The following HIVEP2 variants were observed in gnomAD, a reference collection of about 807,000 sequenced individuals.
HIVEP2 encodes HIVEP zinc finger 2.
HIVEP2 carries 14 observed loss-of-function variants against 180.7 expected under a neutral mutation model. That is an observed-to-expected ratio of 0.08 (90% CI 0.05 to 0.12). The LOEUF is 0.12. Among genes scored for constraint, HIVEP2 ranks in the 10% least tolerant of loss-of-function variants. HIVEP2 has a pLI of 1.00. For missense variants in HIVEP2, 2,579 were observed against 3,008.5 expected, an observed-to-expected ratio of 0.86 and a Z score of 3.34; for synonymous variants, 1,184 against 1,136.4, an observed-to-expected ratio of 1.04 and a Z score of -0.84.
chr6:142,794,771 T>C (rs943136125), intron 2 of HIVEP2, among the ~76,000 whole-genome samples: 1 of 152,194 alleles, frequency 6.6e-6, no homozygotes, highest in Non-Finnish European at 1.5e-5. Context: ...AGGTTTTGTC[T>C]CTGTTGAACA....
chr6:142,804,548 A>G (rs191691873), intron 2 of HIVEP2, among the ~76,000 whole-genome samples: 144 of 152,300 alleles, frequency 9.5e-4, no homozygotes, highest in South Asian at 7.9e-3. Flanking sequence ...CAAATTGAAA[A>G]AAAAATACAC....
chr6:142,912,039 G>A (rs1325747611), intron 1 of HIVEP2, among the ~76,000 whole-genome samples: 2 of 152,212 alleles, frequency 1.3e-5, no homozygotes, highest in Admixed American at 1.3e-4. Context: ...TCTCCATACT[G>A]GGTTAGTGAC....
Position 142,774,590 on chromosome 6 carries a change from A to G in HIVEP2, c.149T>C (p.Ile50Thr), listed in dbSNP as rs1457519574. The change falls in exon 5 of 10, where the codon ATA becomes ACA. Residue 50 changes from isoleucine to threonine, a missense_variant. This residue lies in a region of HIVEP2 where 207 missense variants were observed against 210.1 expected (regional missense o/e 0.99). Coordinates refer to ENST00000367603, the MANE Select transcript of HIVEP2 (RefSeq NM_006734.4). This position sits in a 1 kb window ranked among gnomAD's most constrained non-coding sequence, Gnocchi z 5.1. ...TGTGTTTCCGATTTGCTCAGGCTCTATTTGTGGTTGCCGCTGTCCTTCATG... is the reference window on the plus strand; with the variant it reads ...TGTGTTTCCGATTTGCTCAGGCTCTGTTTGTGGTTGCCGCTGTCCTTCATG... ...GSHEGQRQPQ[I>T]EPEQIGNTAS... 1.9e-6 allele frequency: 3 copies of G among 1,614,170 alleles called. No individual in the cohort carries two copies. Among genetic ancestry groups the G allele is most frequent in the Non-Finnish European group, 2.5e-6 (3 of 1,180,038 alleles).
At chr6:142,823,732 G>A (rs969191628) in intron 2 of HIVEP2, among the ~76,000 whole-genome samples, 1 of 152,112 alleles carries the variant, frequency 6.6e-6, no homozygotes, top group African/African-American at 2.4e-5. Flanking sequence ...TCTTAAATTT[G>A]TAAAGATGTA....
intron 3 of HIVEP2, among the ~76,000 whole-genome samples, chr6:142,782,559 A>C (rs772495682): frequency 6.6e-6 from 1 of 152,218 alleles, no homozygotes; most frequent in Non-Finnish European, 1.5e-5. Flanking sequence ...GGCTTCTTTT[A>C]GTAAAAATTC....
chr6:142,764,902 C>T lies in HIVEP2; in HGVS notation c.5415G>A (p.Gly1805=), dbSNP rs761759600. ...GCATGCTTGGCTTCTTACAGCGAAT[C>T]CCACATTCTTCACAAATGTACTTTC... ...GRGKYICEEC[G]IRCKKPSMLK... Residue 1805 remains glycine (G), a synonymous_variant, in exon 7 of 10, where the codon GGG becomes GGA. Transcript: ENST00000367603. 2 of 1,613,890 alleles carry T rather than the reference C, an allele frequency of 1.2e-6. No homozygotes were observed. Among genetic ancestry groups the T allele is most frequent in the South Asian group, 1.1e-5 (1 of 91,054 alleles).
intron 1 of HIVEP2, among the ~76,000 whole-genome samples, chr6:142,929,167 TG>T (rs1777885287): frequency 6.6e-6 from 1 of 152,196 alleles, no homozygotes. Flanking sequence ...CATCTGCCAA[TG>T]GTATACAATT....
intron 2 of HIVEP2, among the ~76,000 whole-genome samples, chr6:142,816,582 G>A (rs1379596796): frequency 2.6e-5 from 4 of 152,068 alleles, no homozygotes; most frequent in African/African-American, 4.8e-5. Flanking sequence ...CATCCCCTGC[G>A]TCTGGCATTT....
In HIVEP2 at chr6:142,771,335, G is replaced by A; in HGVS notation, c.3404C>T (p.Pro1135Leu). 6.2e-7 allele frequency: 1 copy of A among 1,613,080 alleles called. No individual in the cohort carries two copies. The highest frequency in any genetic ancestry group is 8.5e-7 in the Non-Finnish European group (1 of 1,180,002). The stretch of plus-strand genomic sequence containing the variant: ...ACAAGGACCCGCCACCTGCTTCCCT[G>A]GGTCCTCTTGCTGAAGAGGAGGCAG... ...AVLPPLQQED[P>L]GKQVAGPCPP... Residue 1135 changes from proline to leucine, a missense_variant, in exon 5 of 10, where the codon CCA becomes CTA. Physicochemically the swap from Pro to Leu is moderately conservative, Grantham distance 98. Around this residue, in one of 11 missense-constraint regions of HIVEP2, gnomAD observed 523 missense variants for 577.0 expected, o/e 0.91. Coordinates refer to ENST00000367603, the MANE Select transcript of HIVEP2 (RefSeq NM_006734.4). This position sits in a 1 kb window ranked among gnomAD's most constrained non-coding sequence, Gnocchi z 5.4.
chr6:142,864,500 T>A (rs1288408557), intron 1 of HIVEP2, among the ~76,000 whole-genome samples: 1 of 152,130 alleles, frequency 6.6e-6, no homozygotes, highest in African/African-American at 2.4e-5. Flanking sequence ...TAGCGAAAAA[T>A]AATAAATATT....
intron 2 of HIVEP2, among the ~76,000 whole-genome samples, chr6:142,833,309 C>G (rs550384548): frequency 2.0e-5 from 3 of 152,168 alleles, no homozygotes; most frequent in Admixed American, 2.0e-4. Context: ...TAAGTCATTA[C>G]ACAAATATTA....
chr6:142,902,915 C>T (rs1448229318), intron 1 of HIVEP2, among the ~76,000 whole-genome samples: 1 of 152,188 alleles, frequency 6.6e-6, no homozygotes, highest in Non-Finnish European at 1.5e-5. Flanking sequence ...AAATGATAAA[C>T]ATTTGTGATG....
At chr6:142,870,755 C>T (rs1268275254) in intron 1 of HIVEP2, among the ~76,000 whole-genome samples, 1 of 152,178 alleles carries the variant, frequency 6.6e-6, no homozygotes, top group Non-Finnish European at 1.5e-5. Flanking sequence ...ATTTAAAACT[C>T]ACCTGATTTT....
intron 1 of HIVEP2, among the ~76,000 whole-genome samples, chr6:142,885,032 A>C (rs1328050153): frequency 1.3e-5 from 2 of 152,200 alleles, no homozygotes. Flanking sequence ...ATGCTGGCAC[A>C]CCTTTAAATT....
At chr6:142,805,060 C>T (rs1002491763) in intron 2 of HIVEP2, among the ~76,000 whole-genome samples, 9 of 152,224 alleles carry the variant, frequency 5.9e-5, no homozygotes, top group South Asian at 2.1e-4. Context: ...CCCTACATAA[C>T]GCCAGATTGT....
At chr6:142,866,354 T>C (rs893451971) in intron 1 of HIVEP2, among the ~76,000 whole-genome samples, 1 of 152,220 alleles carries the variant, frequency 6.6e-6, no homozygotes, top group South Asian at 2.1e-4. Flanking sequence ...TGTTAGCTAC[T>C]AATAAATCAC....
At position 142,753,623 on chromosome 6, in the gene HIVEP2, G is replaced by A; in HGVS notation, c.6825C>T (p.Pro2275=). The change falls in exon 10 of 10, where the codon CCC becomes CCT. Residue 2275 remains proline (P), a synonymous_variant. Coordinates refer to ENST00000367603, the MANE Select transcript of HIVEP2 (RefSeq NM_006734.4). ...GASGESFSKD[P]YVLSKQHEKR... is the part of the protein sequence containing the mutation. ...TCTCATGCTGCTTAGAAAGCACATA[G>A]GGGTCCTTGGAGAAGGACTCCCCTG... The A allele has an allele frequency of 1.9e-6, 3 of 1,614,152 alleles. No individual in the cohort carries two copies. Among genetic ancestry groups the A allele is most frequent in the South Asian group, 2.2e-5 (2 of 91,082 alleles).
chr6:142,794,711 G>A lies in HIVEP2; in HGVS notation c.-527-11096C>T, dbSNP rs530345750. ...TTCTTGGACATGGATAACTTACACC[G>A]GCAGATCCTACACACAAATCCTGTG... On this transcript the variant is annotated intron_variant, in intron 2 of 9. Transcript: ENST00000367603. 3.9e-4 allele frequency among the ~76,000 whole-genome samples: 59 copies of A among 152,258 alleles called. No homozygotes were observed. In the South Asian group the frequency reaches 5.4e-3, roughly 14 times the overall value.
chr6:142,934,513 C>A (rs111436752), intron 1 of HIVEP2, among the ~76,000 whole-genome samples: 202 of 152,298 alleles, frequency 1.3e-3, no homozygotes, highest in African/African-American at 4.7e-3. Context: ...AAGGCTACAT[C>A]TCTATATCTC....
Sources: gnomAD v4.1 joint callset for allele counts (sites outside exome capture counted in the v4.1 genomes callset) on GRCh38, gnomAD v4.1.1 for gene constraint, gnomAD v4.1.1 regional missense constraint, Gnocchi (gnomAD v3.1) non-coding constraint, MANE v1.5 for transcripts, NCBI Gene and HGNC (gene_info 2026-07-23, HGNC 2026-07-21) for gene names.